The following PCDH9 variants were observed in gnomAD, a reference collection of about 807,000 sequenced individuals.
PCDH9 encodes protocadherin 9.
Under a neutral mutation model 70.6 loss-of-function variants are expected in PCDH9, and 24 were observed. The ratio of observed to expected loss-of-function variants is 0.34; its 90% CI spans 0.25 to 0.48. PCDH9 has a LOEUF of 0.48. Among genes scored for constraint, PCDH9 ranks in the 20% least tolerant of loss-of-function variants. The probability of loss-of-function intolerance (pLI) is 0.99; values close to 1 mark genes in which losing one functional copy is unlikely to be tolerated. For missense variants in PCDH9, 1,281 were observed against 1,503.6 expected, an observed-to-expected ratio of 0.85 and a Z score of 2.45; for synonymous variants, 562 against 558.5, an observed-to-expected ratio of 1.01 and a Z score of -0.09.
At chr13:66,766,337 G>T (rs2079717655) in intron 3 of PCDH9, among the ~76,000 whole-genome samples, 1 of 151,876 alleles carries the variant, frequency 6.6e-6, no homozygotes, top group Non-Finnish European at 1.5e-5. Flanking sequence ...CCTTGGAAAG[G>T]GTAGTGGCTA....
chr13:66,436,477 T>C (rs531755231), intron 4 of PCDH9, among the ~76,000 whole-genome samples: 1 of 152,274 alleles, frequency 6.6e-6, no homozygotes, highest in South Asian at 2.1e-4. Context: ...TACCAAAATC[T>C]TTGTAGGGTT....
At chr13:66,580,834 T>C (rs977310918) in intron 4 of PCDH9, among the ~76,000 whole-genome samples, 10 of 151,958 alleles carry the variant, frequency 6.6e-5, no homozygotes, top group Non-Finnish European at 1.3e-4. Context: ...TCTTCCCCCA[T>C]CCATGCAAGC....
chr13:67,021,043 C>T (rs1370374619), intron 2 of PCDH9, among the ~76,000 whole-genome samples: 5 of 152,200 alleles, frequency 3.3e-5, no homozygotes, highest in African/African-American at 1.2e-4. Flanking sequence ...TTTCTATTGT[C>T]TTTTTTCCTT....
Position 67,008,655 on chromosome 13 carries a change from C to T in PCDH9, c.3037-105050G>A, listed in dbSNP as rs575602639. 3.9e-5 allele frequency among the ~76,000 whole-genome samples: 6 copies of T among 152,194 alleles called. No individual in the cohort carries two copies. The East Asian group carries it at 7.7e-4, about 20-fold the overall frequency. ...CTCTTCTTACTTTCTCTTCTACTGTCCAAAAAGAAGTCTGGAAGCCTAGAC... is the reference window on the plus strand; with the variant it reads ...CTCTTCTTACTTTCTCTTCTACTGTTCAAAAAGAAGTCTGGAAGCCTAGAC... On this transcript the variant is annotated intron_variant, in intron 2 of 4. Transcript: ENST00000377865.
chr13:66,810,251 G>T (rs957935058), intron 3 of PCDH9, among the ~76,000 whole-genome samples: 1 of 151,984 alleles, frequency 6.6e-6, no homozygotes, highest in Non-Finnish European at 1.5e-5. Flanking sequence ...TGAAAGCAGA[G>T]TGTTAGTATA....
Position 66,888,859 on chromosome 13 carries a change from G to A in PCDH9, c.3138+14645C>T, listed in dbSNP as rs540790606. Among the ~76,000 whole-genome samples the A allele has an allele frequency of 5.3e-5, 8 of 152,236 alleles. No individual in the cohort carries two copies. In the East Asian group the frequency reaches 1.5e-3, roughly 29 times the overall value. On this transcript the variant is annotated intron_variant, in intron 3 of 4. Coordinates refer to ENST00000377865, the MANE Select transcript of PCDH9 (RefSeq NM_203487.3). ...TTCAGAAGCTCTTAAAAGCAGTCAG[G>A]GCTCCTCTTTACAGAAGCTGTGATT... is the stretch of plus-strand genomic sequence containing the variant.
chr13:66,397,719 T>A (rs113933906), intron 4 of PCDH9, among the ~76,000 whole-genome samples: 3 of 151,760 alleles, frequency 2.0e-5, no homozygotes, highest in Non-Finnish European at 4.4e-5. Flanking sequence ...CATGTTATCA[T>A]TGGTGTGTCA....
In PCDH9 at chr13:67,080,163, G is replaced by A. The variant is rs1927823; in HGVS notation, c.3036+145242C>T. ...GTGGTCACTCATATTGACTCAGAAC[G>A]CACCTCTTTAAACATATTTTGGCAG... On this transcript the variant is annotated intron_variant, in intron 2 of 4. Transcript: ENST00000377865. Among the ~76,000 whole-genome samples the A allele has an allele frequency of 1.1e-4, 16 of 152,034 alleles. 1 individual carries two copies. The South Asian group carries it at 1.9e-3, about 18-fold the overall frequency.
At chr13:66,341,032 G>C (rs1303232651) in intron 4 of PCDH9, among the ~76,000 whole-genome samples, 1 of 152,138 alleles carries the variant, frequency 6.6e-6, no homozygotes, top group East Asian at 1.9e-4. Flanking sequence ...CAGGTACTAT[G>C]AAATGTTTAA....
intron 2 of PCDH9, among the ~76,000 whole-genome samples, chr13:67,123,568 A>C (rs920617946): frequency 2.6e-5 from 4 of 152,234 alleles, no homozygotes; most frequent in African/African-American, 9.6e-5. Flanking sequence ...ATGTTACGAT[A>C]ATCATCATTG....
At chr13:66,905,055 C>T (rs1438389279) in intron 2 of PCDH9, among the ~76,000 whole-genome samples, 1 of 151,916 alleles carries the variant, frequency 6.6e-6, no homozygotes, top group African/African-American at 2.4e-5. Context: ...ACCTCTGTTT[C>T]TAAGTAACTT....
Position 66,412,148 on chromosome 13 carries a change from T to C in PCDH9, c.3341-107120A>G, listed in dbSNP as rs954582840. ...ATAAAACTCTGAGTTTTGAATATTA[T>C]AGAAAATTTTCTGTAATGCAGACTA... is the stretch of plus-strand genomic sequence containing the variant. On this transcript the variant is annotated intron_variant, in intron 4 of 4. Coordinates refer to ENST00000377865, the MANE Select transcript of PCDH9 (RefSeq NM_203487.3). 4.6e-5 allele frequency among the ~76,000 whole-genome samples: 7 copies of C among 152,302 alleles called. No individual in the cohort carries two copies. In the East Asian group the frequency reaches 1.4e-3, roughly 29 times the overall value.
At chr13:67,146,352 A>G (rs1387337250) in intron 2 of PCDH9, among the ~76,000 whole-genome samples, 1 of 152,180 alleles carries the variant, frequency 6.6e-6, no homozygotes, top group African/African-American at 2.4e-5. Flanking sequence ...ACATATAAAA[A>G]TGTGAAAATG....
chr13:66,868,607 C>T (rs1342359048), intron 3 of PCDH9, among the ~76,000 whole-genome samples: 1 of 152,070 alleles, frequency 6.6e-6, no homozygotes, highest in Non-Finnish European at 1.5e-5. Flanking sequence ...GAAGAAAGAA[C>T]ATCACAGACA....
At position 67,226,998 on chromosome 13, in the gene PCDH9, G is replaced by C; in HGVS notation, c.1443C>G (p.Asn481Lys). The C allele has an allele frequency of 6.2e-7, 1 of 1,614,172 alleles. No homozygotes were observed. The highest frequency in any genetic ancestry group is 8.5e-7 in the Non-Finnish European group (1 of 1,180,030). Residue 481 changes from asparagine to lysine, a missense_variant, in exon 2 of 5, where the codon AAC (asparagine) becomes AAG (lysine). Coordinates refer to ENST00000377865, the MANE Select transcript of PCDH9 (RefSeq NM_203487.3). The surrounding 1 kb of genome is among the most constrained non-coding windows in gnomAD (Gnocchi z 5.0). ...QPVIELSVSE[N>K]NRRGLYLTTI... The stretch of plus-strand genomic sequence containing the variant: ...TTGTTAAGTATAACCCACGTCGGTT[G>C]TTTTCAGAAACTGACAGCTCAATTA...
At chr13:66,747,899 C>T (rs1168948903) in intron 3 of PCDH9, among the ~76,000 whole-genome samples, 1 of 152,004 alleles carries the variant, frequency 6.6e-6, no homozygotes. Context: ...AGACCTTGTT[C>T]GTTATGTAGT....
At chr13:66,929,736 G>A (rs2082776479) in intron 2 of PCDH9, among the ~76,000 whole-genome samples, 1 of 152,168 alleles carries the variant, frequency 6.6e-6, no homozygotes, top group Non-Finnish European at 1.5e-5. Flanking sequence ...ATCTGTTACT[G>A]CATTGCATAT....
Position 66,440,074 on chromosome 13 carries a change from T to TTAAAC in PCDH9, c.3341-135051_3341-135047dup, listed in dbSNP as rs1405990075. ...TCAAGAGTAAAAACAATAAAGATCT[T>TTAAAC]TAAACGTGACATAATCAATGAGTGG... On this transcript the variant is annotated intron_variant, in intron 4 of 4. Transcript: ENST00000377865. Among the ~76,000 whole-genome samples, 4 of 152,300 alleles carry TTAAAC rather than the reference T, an allele frequency of 2.6e-5. No individual in the cohort carries two copies. In the East Asian group the frequency reaches 7.7e-4, roughly 29 times the overall value.
At chr13:66,626,278 A>T (rs1486376935) in intron 4 of PCDH9, among the ~76,000 whole-genome samples, 1 of 152,190 alleles carries the variant, frequency 6.6e-6, no homozygotes, top group Non-Finnish European at 1.5e-5. Flanking sequence ...AACCTAGAGG[A>T]TAAAGACTAG....
Sources: gnomAD v4.1 joint callset for allele counts (sites outside exome capture counted in the v4.1 genomes callset) on GRCh38, gnomAD v4.1.1 for gene constraint, Gnocchi (gnomAD v3.1) non-coding constraint, MANE v1.5 for transcripts, NCBI Gene and HGNC (gene_info 2026-07-23, HGNC 2026-07-21) for gene names.